Variants in NPAS4 observed in about 807,000 individuals in gnomAD.
NPAS4 encodes neuronal PAS domain-containing protein 4.
Under a neutral mutation model 64.0 loss-of-function variants are expected in NPAS4, and 10 were observed. That is an observed-to-expected ratio of 0.16 (90% CI 0.10 to 0.26). The LOEUF (loss-of-function observed/expected upper bound fraction) is 0.26, where lower values mean the gene tolerates loss of function less well. NPAS4 is among the 10% of genes least tolerant of loss of function. The pLI is 1.00. For synonymous variants in NPAS4, 441 were observed against 411.7 expected (o/e 1.07, Z -0.86); for missense variants, 886 against 992.6 (o/e 0.89, Z 1.44).
rs572041533 is a variant in NPAS4, at chr11:66,423,261, A to C, written c.808+29A>C. ...AGTGTCCAGAGAGGCTGGGGACAAG[A>C]TAGCAAGCTGGGAAAGGGCATGGGA... is the stretch of plus-strand genomic sequence containing the variant. On this transcript the variant is annotated intron_variant, in intron 5 of 7. Transcript: ENST00000311034. The C allele has an allele frequency of 2.5e-5, 36 of 1,446,738 alleles. No homozygotes were observed. The Admixed American group carries it at 5.3e-4, about 21-fold the overall frequency. 89.6% of individuals were successfully genotyped at this position (1,446,738 alleles called of 1,614,324 possible). A position where few individuals can be genotyped will look rare whatever the true frequency, so the allele number is the denominator to read the frequency against.
At chr11:66,414,837 C>T in the NPAS4 span, among the ~76,000 whole-genome samples, 1 of 152,082 alleles carries the variant, frequency 6.6e-6, no homozygotes, top group Non-Finnish European at 1.5e-5. Flanking sequence ...TTCAAATCCA[C>T]CAATTCAAAA....
At chr11:66,411,738 G>A in the NPAS4 span, among the ~76,000 whole-genome samples, 15 of 152,170 alleles carry the variant, frequency 9.9e-5, no homozygotes, top group African/African-American at 2.2e-4. Context: ...TGTGGTTCCC[G>A]CGTTCCCCAG....
chr11:66,413,717 C>A, the NPAS4 span, among the ~76,000 whole-genome samples: 1 of 152,232 alleles, frequency 6.6e-6, no homozygotes, highest in East Asian at 1.9e-4. Flanking sequence ...CCAGTCAACA[C>A]TGACTTGCCA....
chr11:66,417,425 AG>A (rs1399799011), upstream of NPAS4, among the ~76,000 whole-genome samples: 1 of 152,106 alleles, frequency 6.6e-6, no homozygotes, highest in Non-Finnish European at 1.5e-5. Context: ...CCTGCAGGCC[AG>A]GGAGAATTCA....
At chr11:66,415,470 T>C in the NPAS4 span, among the ~76,000 whole-genome samples, 1,474 of 152,260 alleles carry the variant, frequency 9.7e-3, 23 homozygotes, top group African/African-American at 0.034. Context: ...CTCTAAAGGA[T>C]CAATTAGTAA....
chr11:66,422,397 A>AGATTGGCTCCTGCTGTTCTCCCTAATG (rs1856758671), intron 2 of NPAS4, 54 bp from the exon 3 acceptor site: 2 of 1,499,414 alleles, frequency 1.3e-6, no homozygotes, highest in South Asian at 2.2e-5. Context: ...TGTAGATCAA[A>AGATTGGCTCCTGCTGTTCTCCCTAATG]GATTGGCTCC....
Position 66,422,511 on chromosome 11 carries a change from A to G in NPAS4, c.388A>G (p.Thr130Ala). ...YDIIDPADHL[T>A]VRQQLTLPSA... ...CATCATTGACCCAGCTGACCACCTCACTGTGCGCCAGCAACTCACCCTGCC... is the reference window on the plus strand; with the variant it reads ...CATCATTGACCCAGCTGACCACCTCGCTGTGCGCCAGCAACTCACCCTGCC... The change falls in exon 3 of 8, where the codon ACT (threonine) becomes GCT (alanine). Residue 130 changes from threonine to alanine, a missense_variant. Thr to Ala is a moderately conservative substitution (Grantham distance 58). Around this residue, in one of 3 missense-constraint regions of NPAS4, gnomAD observed 820 missense variants for 855.5 expected, o/e 0.96. Transcript: ENST00000311034. 6.2e-7 allele frequency: 1 copy of G among 1,613,880 alleles called. No homozygotes were observed. Among genetic ancestry groups the G allele is most frequent in the Non-Finnish European group, 8.5e-7 (1 of 1,179,906 alleles).
chr11:66,423,088 A>G lies in NPAS4; in HGVS notation c.699-35A>G, dbSNP rs985080409. The G allele has an allele frequency of 3.8e-5, 59 of 1,541,108 alleles. 1 individual carries two copies. Among genetic ancestry groups the G allele is most frequent in the Non-Finnish European group, 5.1e-5 (57 of 1,125,130 alleles). Reference sequence around the variant, plus strand: ...GATGCATGGGTATCAAGCAAGGAAAACAGAAAGCTGACCTCACCCTTTCCA... The same window carrying G: ...GATGCATGGGTATCAAGCAAGGAAAGCAGAAAGCTGACCTCACCCTTTCCA... On this transcript the variant is annotated intron_variant, in intron 4 of 7. Transcript: ENST00000311034.
chr11:66,424,266 T>A lies in NPAS4; in HGVS notation c.1376T>A (p.Leu459Gln), dbSNP rs771484633. The change falls in exon 7 of 8, where the codon CTG (leucine) becomes CAG (glutamine). Residue 459 changes from leucine (L) to glutamine (Q), a missense_variant. Physicochemically the swap from Leu to Gln is moderately radical, Grantham distance 113. Coordinates refer to ENST00000311034, the MANE Select transcript of NPAS4 (RefSeq NM_178864.4). ...CCATCCAGCACTCTTCAAGAACAGC[T>A]GACTCCAAGCACTGCGACCTTCTCT... is the stretch of plus-strand genomic sequence containing the variant. ...PTPSSTLQEQ[L>Q]TPSTATFSDQ... 1.9e-6 allele frequency: 3 copies of A among 1,614,120 alleles called. No individual in the cohort carries two copies. Among genetic ancestry groups the A allele is most frequent in the East Asian group, 2.2e-5 (1 of 44,874 alleles).
intron 2 of NPAS4, 62 bp downstream of exon 2, chr11:66,422,333 C>T: frequency 1.3e-6 from 2 of 1,565,888 alleles, no homozygotes; most frequent in Non-Finnish European, 1.8e-6. Flanking sequence ...GAGCCTTCCA[C>T]TCCTGAGGAA....
At chr11:66,421,034 G>T (rs942228647), upstream of NPAS4, 3 of 682,020 alleles carry the variant, frequency 4.4e-6, no homozygotes, top group South Asian at 1.9e-5. Flanking sequence ...GCAGGCGAGG[G>T]GGGCAGCGCA....
intron 1 of NPAS4, among the ~76,000 whole-genome samples, chr11:66,421,893 G>C (rs1019134938): frequency 1.1e-4 from 16 of 152,234 alleles, no homozygotes; most frequent in African/African-American, 3.9e-4. Context: ...CTGAAATTAA[G>C]AGCCGAGAGG....
rs1347995824 is a variant in NPAS4 at position 66,422,792 on chromosome 11, A to G, written c.549A>G (p.Ala183=). 1.2e-6 allele frequency: 2 copies of G among 1,614,190 alleles called. No homozygotes were observed. Among genetic ancestry groups the G allele is most frequent in the Non-Finnish European group, 8.5e-7 (1 of 1,180,042 alleles). ...CTCACCCACCTGGAGCCTACTGGGC[A>G]GGAAATCCCGTGTTCACAGCTTTCT... The part of the protein sequence containing the change: ...FHAHPPGAYW[A]GNPVFTAFCA... The change falls in exon 4 of 8, where the codon GCA becomes GCG. Residue 183 remains alanine, a synonymous_variant. Coordinates refer to ENST00000311034, the MANE Select transcript of NPAS4 (RefSeq NM_178864.4).
At chr11:66,415,266 A>G in the NPAS4 span, among the ~76,000 whole-genome samples, 1 of 152,174 alleles carries the variant, frequency 6.6e-6, no homozygotes, top group Non-Finnish European at 1.5e-5. Flanking sequence ...AGCCTGACCC[A>G]TTGGGCTTCC....
chr11:66,413,691 C>T, the NPAS4 span, among the ~76,000 whole-genome samples: 1 of 152,224 alleles, frequency 6.6e-6, no homozygotes, highest in Non-Finnish European at 1.5e-5. Context: ...CAGCCACCCA[C>T]CCAGCACAGC....
At position 66,424,187 on chromosome 11, in the gene NPAS4, G is replaced by A; in HGVS notation, c.1297G>A (p.Gly433Ser). ...ACCTTACACGCCCCATCAGCCAGGA[G>A]GCTGTGCCTTCCTCTTCAGCCTCCA... ...TPPYTPHQPG[G>S]CAFLFSLHEP... Residue 433 changes from glycine to serine, a missense_variant, in exon 7 of 8, where the codon GGC becomes AGC. Around this residue, in one of 3 missense-constraint regions of NPAS4, gnomAD observed 820 missense variants for 855.5 expected, o/e 0.96. Transcript: ENST00000311034. 6.2e-7 allele frequency: 1 copy of A among 1,613,982 alleles called. No individual in the cohort carries two copies. The highest frequency in any genetic ancestry group is 8.5e-7 in the Non-Finnish European group (1 of 1,179,968).
At chr11:66,419,103 G>T (rs1440069162), upstream of NPAS4, among the ~76,000 whole-genome samples, 1 of 152,110 alleles carries the variant, frequency 6.6e-6, no homozygotes, top group Non-Finnish European at 1.5e-5. Context: ...ATTGAGAGAG[G>T]GGTGGGTAGG....
rs377121841 is a variant in NPAS4, at chr11:66,424,420, C to G, written c.1530C>G (p.Asp510Glu). Residue 510 changes from aspartate to glutamate, a missense_variant, in exon 7 of 8, where the codon GAC becomes GAG. Coordinates refer to ENST00000311034, the MANE Select transcript of NPAS4 (RefSeq NM_178864.4). ...QLTPCTSTFPDQLLPSTATFP... is the reference protein window; with the variant it reads ...QLTPCTSTFPEQLLPSTATFP... The stretch of plus-strand genomic sequence containing the variant: ...CTCCCTGCACCTCCACCTTCCCAGA[C>G]CAGCTGCTTCCCAGCACAGCCACCT... 6.2e-6 allele frequency: 10 copies of G among 1,613,994 alleles called. No homozygotes were observed. The highest frequency in any genetic ancestry group is 8.5e-6 in the Non-Finnish European group (10 of 1,180,024).
chr11:66,415,940 A>C, the NPAS4 span, among the ~76,000 whole-genome samples: 1 of 152,144 alleles, frequency 6.6e-6, no homozygotes, highest in African/African-American at 2.4e-5. Context: ...CTGGGCAGAA[A>C]AAATTTTTTT....
Sources: allele counts gnomAD v4.1 joint callset (sites outside exome capture counted in the v4.1 genomes callset), GRCh38; gene constraint gnomAD v4.1.1; regional missense constraint gnomAD v4.1.1; transcripts MANE v1.5; gene names NCBI Gene and HGNC (gene_info 2026-07-23, HGNC 2026-07-21).